PPP4R1: variants seen among roughly 807,000 people sequenced by gnomAD.
The protein encoded by PPP4R1 is protein phosphatase 4 regulatory subunit 1.
Under a neutral mutation model 111.2 loss-of-function variants are expected in PPP4R1, and 42 were observed. The ratio of observed to expected loss-of-function variants is 0.38; its 90% CI spans 0.29 to 0.49. The LOEUF is 0.49. Ranked by LOEUF, PPP4R1 falls within the 20% of genes least tolerant of loss-of-function variation. The pLI is 0.97. For missense variants in PPP4R1, 1,012 were observed against 1,161.6 expected (o/e 0.87, Z 1.87); for synonymous variants, 409 against 405.5 (o/e 1.01, Z -0.10).
chr18:9,549,047 G>A (rs1258688267), intron 19 of PPP4R1, 150 bp downstream of exon 19: 9 of 1,008,588 alleles, frequency 8.9e-6, no homozygotes, highest in Non-Finnish European at 1.5e-6. Flanking sequence ...TGCCCTCTTG[G>A]GAGAATCACC....
chr18:9,552,182 C>T (rs921584843), intron 16 of PPP4R1, among the ~76,000 whole-genome samples: 4 of 152,170 alleles, frequency 2.6e-5, no homozygotes, highest in Non-Finnish European at 5.9e-5. Flanking sequence ...ATATAAAGAA[C>T]TCTTACAACT....
At chr18:9,599,175 G>C (rs2067339064) in intron 2 of PPP4R1, among the ~76,000 whole-genome samples, 1 of 152,130 alleles carries the variant, frequency 6.6e-6, no homozygotes, top group African/African-American at 2.4e-5. Flanking sequence ...AACATATGTA[G>C]AAGTATAATG....
At chr18:9,594,990 CACTTTA>C (rs748096988) in intron 3 of PPP4R1, 22 bp downstream of exon 3, 1 of 1,604,970 alleles carries the variant, frequency 6.2e-7, no homozygotes, top group Non-Finnish European at 8.5e-7. Flanking sequence ...CTTCCACTTC[CACTTTA>C]ACAAAAAGAA....
Position 9,549,314 on chromosome 18 carries a change from G to T in PPP4R1, c.2572C>A (p.Pro858Thr), listed in dbSNP as rs1276487326. 6.2e-7 allele frequency: 1 copy of T among 1,609,726 alleles called. No individual in the cohort carries two copies. The highest frequency in any genetic ancestry group is 1.7e-5 in the Admixed American group (1 of 59,972). Residue 858 changes from proline to threonine, a missense_variant, in exon 19 of 20, where the codon CCC becomes ACC. Pro to Thr is a conservative substitution (Grantham distance 38, BLOSUM62 -1). Coordinates refer to ENST00000400556, the MANE Select transcript of PPP4R1 (RefSeq NM_001042388.3). The stretch of plus-strand genomic sequence containing the variant: ...AGATGCACAGCAAACTGGTCCATGG[G>T]AAGGCAGTCATCCTCAATGACAGTC... ...CQTVIEDDCL[P>T]MDQFAVHLMP...
chr18:9,556,980 C>A, intron 15 of PPP4R1: 1 of 319,078 alleles, frequency 3.1e-6, no homozygotes, highest in Non-Finnish European at 5.7e-6. Context: ...ATACATTTCA[C>A]TCAATAATTT....
intron 11 of PPP4R1, 21 bp from the exon 12 acceptor site, chr18:9,563,571 T>G (rs1048674083): frequency 6.5e-7 from 1 of 1,542,370 alleles, no homozygotes; most frequent in Admixed American, 1.8e-5. Context: ...AATAAGGAAA[T>G]GGACAAAGTG....
chr18:9,564,502 G>A (rs1477055720), intron 11 of PPP4R1, among the ~76,000 whole-genome samples: 1 of 152,072 alleles, frequency 6.6e-6, no homozygotes, highest in Non-Finnish European at 1.5e-5. Flanking sequence ...TAAGAAAATT[G>A]AACATATTCA....
At position 9,584,791 on chromosome 18, in the gene PPP4R1, A is replaced by G. The variant is rs941519300; in HGVS notation, c.623T>C (p.Ile208Thr). 1 of 1,613,494 alleles carries G rather than the reference A, an allele frequency of 6.2e-7. No individual in the cohort carries two copies. The highest frequency in any genetic ancestry group is 1.3e-5 in the African/African-American group (1 of 75,058). Residue 208 changes from isoleucine to threonine, a missense_variant, in exon 7 of 20, where the codon ATT becomes ACT. By Grantham distance (89) the Ile-to-Thr change is moderately conservative (BLOSUM62 -1). Transcript: ENST00000400556. Reference sequence around the variant, plus strand: ...CCTAGGGAGGATAAGACGCTCTGTAATATCCTTCCCAACCATGGGAGCCAT... The same window carrying G: ...CCTAGGGAGGATAAGACGCTCTGTAGTATCCTTCCCAACCATGGGAGCCAT... ...CKMAPMVGKD[I>T]TERLILPRFC...
At chr18:9,615,031 C>T (rs999333806), upstream of PPP4R1, 1 of 152,132 alleles carries the variant, frequency 6.6e-6, no homozygotes, top group African/African-American at 2.4e-5. Flanking sequence ...CGTCGGCGAT[C>T]CGGGGCCGGG....
chr18:9,557,172 T>C, intron 15 of PPP4R1, 49 bp downstream of exon 15: 1 of 1,488,328 alleles, frequency 6.7e-7, no homozygotes, highest in Non-Finnish European at 9.0e-7. Flanking sequence ...AAGATTTAGA[T>C]TACGGCAGAA....
rs1384750198 is a variant in PPP4R1, at chr18:9,550,081, C to A, written c.2518G>T (p.Gly840Cys). 6.2e-7 allele frequency: 1 copy of A among 1,614,072 alleles called. No homozygotes were observed. Among genetic ancestry groups the A allele is most frequent in the African/African-American group, 1.3e-5 (1 of 74,920 alleles). ...CAGACAAAGACAAAGGCTTGCCGAC[C>A]AGACCACTTGGGACATCTGCCAAAG... is the stretch of plus-strand genomic sequence containing the variant. Reference protein sequence around the residue: ...ENFGRCPKWSGRQAFVFVCQT... With the variant: ...ENFGRCPKWSCRQAFVFVCQT... Residue 840 changes from glycine to cysteine, a missense_variant, in exon 18 of 20, where the codon GGT becomes TGT. Gly to Cys is a radical substitution (Grantham distance 159). Transcript: ENST00000400556.
chr18:9,547,761 G>A lies in PPP4R1; in HGVS notation c.*28C>T, dbSNP rs752173222. The stretch of plus-strand genomic sequence containing the variant: ...CCACTGAACCTCGGCTCTCATGGAA[G>A]CAGGAAAGACACCGAGATTCAAGCC... On this transcript the variant is annotated 3_prime_UTR_variant, in exon 20 of 20. Coordinates refer to ENST00000400556, the MANE Select transcript of PPP4R1 (RefSeq NM_001042388.3). 1 of 1,610,366 alleles carries A rather than the reference G, an allele frequency of 6.2e-7. No individual in the cohort carries two copies. The highest frequency in any genetic ancestry group is 8.5e-7 in the Non-Finnish European group (1 of 1,178,298).
intron 2 of PPP4R1, among the ~76,000 whole-genome samples, chr18:9,606,044 A>T (rs2067476734): frequency 1.3e-5 from 2 of 152,242 alleles, no homozygotes; most frequent in Non-Finnish European, 2.9e-5. Flanking sequence ...GCTTTTGTAT[A>T]GGTCTGAAAG....
chr18:9,569,098 A>G (rs1304656902), intron 11 of PPP4R1, among the ~76,000 whole-genome samples: 1 of 151,396 alleles, frequency 6.6e-6, no homozygotes, highest in Non-Finnish European at 1.5e-5. Context: ...CGGGAAGCTG[A>G]GGCAGGAGAA....
intron 10 of PPP4R1, among the ~76,000 whole-genome samples, chr18:9,574,860 A>G (rs1397091869): frequency 3.3e-5 from 5 of 152,258 alleles, no homozygotes; most frequent in Non-Finnish European, 7.3e-5. Flanking sequence ...AGCAGCAAGT[A>G]CAAAAACAGG....
chr18:9,549,342 G>C lies in PPP4R1; in HGVS notation c.2548-4C>G. 1 of 1,595,222 alleles carries C rather than the reference G, an allele frequency of 6.3e-7. No individual in the cohort carries two copies. The highest frequency in any genetic ancestry group is 1.1e-5 in the South Asian group (1 of 90,626). On this transcript the variant is annotated splice_region_variant and splice_polypyrimidine_tract_variant and intron_variant, in intron 18 of 19. Coordinates refer to ENST00000400556, the MANE Select transcript of PPP4R1 (RefSeq NM_001042388.3). Reference sequence around the variant, plus strand: ...GGCAGTCATCCTCAATGACAGTCTGGGGAAGAGAAACAGCTGCTCTAGGCT... The same window carrying C: ...GGCAGTCATCCTCAATGACAGTCTGCGGAAGAGAAACAGCTGCTCTAGGCT...
In PPP4R1 at chr18:9,558,699, G is replaced by GCTTTTTTTTTTT. The variant is rs10686779; in HGVS notation, c.2028+719_2028+720insAAAAAAAAAAAG. On this transcript the variant is annotated intron_variant, in intron 14 of 19. Coordinates refer to ENST00000400556, the MANE Select transcript of PPP4R1 (RefSeq NM_001042388.3). ...CAGTACAAATTAGCCTAATCAGACTGTTTTTTTTTTTTTTTAAATAACTGA... is the reference window on the plus strand; with the variant it reads ...CAGTACAAATTAGCCTAATCAGACTGCTTTTTTTTTTTTTTTTTTTTTTTTTTAAATAACTGA... Among the ~76,000 whole-genome samples the GCTTTTTTTTTTT allele has an allele frequency of 1.4e-5, 2 of 148,102 alleles. 1 individual carries two copies.
chr18:9,602,589 G>A (rs2067407680), intron 2 of PPP4R1, among the ~76,000 whole-genome samples: 1 of 150,706 alleles, frequency 6.6e-6, no homozygotes, highest in Non-Finnish European at 1.5e-5. Context: ...GCCATGCGCA[G>A]TGACTCACAC....
Position 9,559,447 on chromosome 18 carries a change from GTC to G in PPP4R1, c.1998_1999del (p.Glu666AspfsTer3). ...CATGTCTGAGGCCAGAGTCTCATAC[GTC>G]TCTCTCAGGCAGTGCCAATTCTGTC... On this transcript the variant is annotated frameshift_variant, in exon 14 of 20. Coordinates refer to ENST00000400556, the MANE Select transcript of PPP4R1 (RefSeq NM_001042388.3). LOFTEE classifies it high-confidence loss of function. 1 of 1,612,548 alleles carries G rather than the reference GTC, an allele frequency of 6.2e-7. No individual in the cohort carries two copies. Among genetic ancestry groups the G allele is most frequent in the South Asian group, 1.1e-5 (1 of 90,636 alleles).
Sources: allele counts gnomAD v4.1 joint callset (sites outside exome capture counted in the v4.1 genomes callset), GRCh38; gene constraint gnomAD v4.1.1; transcripts MANE v1.5; gene names NCBI Gene and HGNC (gene_info 2026-07-23, HGNC 2026-07-21).